The following WDFY1 variants were observed in gnomAD, a reference collection of about 807,000 sequenced individuals.
The protein encoded by WDFY1 is WD repeat and FYVE domain-containing protein 1.
In WDFY1, 32 loss-of-function variants were observed where a neutral mutation model predicts 56.4. The ratio of observed to expected loss-of-function variants is 0.57; its 90% CI spans 0.43 to 0.76. The LOEUF (loss-of-function observed/expected upper bound fraction) is 0.76, where lower values mean the gene tolerates loss of function less well. Among genes scored for constraint, WDFY1 ranks in the 30% least tolerant of loss-of-function variants. The pLI is 0.00. For synonymous variants in WDFY1, 192 were observed against 197.3 expected (o/e 0.97, Z 0.23); for missense variants, 480 against 545.7 (o/e 0.88, Z 1.20).
chr2:223,915,387 C>G (rs1693770710), intron 2 of WDFY1, among the ~76,000 whole-genome samples: 1 of 152,136 alleles, frequency 6.6e-6, no homozygotes, highest in South Asian at 2.1e-4. Context: ...TGCCCGAGAT[C>G]TAACAGCCAA....
intron 1 of WDFY1, 74 bp downstream of exon 1, chr2:223,945,074 G>A: frequency 1.4e-6 from 2 of 1,475,442 alleles, no homozygotes; most frequent in Non-Finnish European, 1.8e-6. Context: ...GGAAGGACCG[G>A]GGCCGCGGAC....
intron 1 of WDFY1, among the ~76,000 whole-genome samples, chr2:223,935,569 G>A (rs1404647670): frequency 3.9e-5 from 6 of 152,196 alleles, no homozygotes; most frequent in African/African-American, 1.4e-4. Context: ...GAAAGAACTA[G>A]CAGATTATTA....
chr2:223,945,107 G>T (rs1194494945), intron 1 of WDFY1, 41 bp downstream of exon 1: 8 of 1,548,652 alleles, frequency 5.2e-6, no homozygotes, highest in Non-Finnish European at 6.1e-6. Context: ...ACACCCCGTC[G>T]TCGCGGAGTT....
chr2:223,894,526 G>T (rs1693328731), intron 7 of WDFY1, 187 bp from the exon 8 acceptor site: 2 of 591,424 alleles, frequency 3.4e-6, no homozygotes, highest in South Asian at 2.1e-5. Flanking sequence ...AATACAGAAT[G>T]ATACTTTCTA....
At chr2:223,885,793 C>A (rs934660885) in intron 8 of WDFY1, among the ~76,000 whole-genome samples, 2 of 152,082 alleles carry the variant, frequency 1.3e-5, no homozygotes, top group East Asian at 3.9e-4. Flanking sequence ...GGGACTATGC[C>A]GGCAGATTTG....
chr2:223,943,515 T>C (rs1486042787), intron 1 of WDFY1, among the ~76,000 whole-genome samples: 3 of 152,148 alleles, frequency 2.0e-5, no homozygotes, highest in Non-Finnish European at 2.9e-5. Context: ...AAAGGTATAA[T>C]TACAAAAGGC....
intron 8 of WDFY1, among the ~76,000 whole-genome samples, chr2:223,886,022 A>C (rs1693169656): frequency 6.6e-6 from 1 of 152,228 alleles, no homozygotes; most frequent in Non-Finnish European, 1.5e-5. Context: ...AAACAGAGGA[A>C]GCAGTCTCAA....
intron 2 of WDFY1, among the ~76,000 whole-genome samples, chr2:223,916,136 T>C (rs545289425): frequency 3.3e-5 from 5 of 152,292 alleles, no homozygotes; most frequent in Admixed American, 3.3e-4. Flanking sequence ...TCAATTTCAC[T>C]GAATGACTAC....
intron 3 of WDFY1, among the ~76,000 whole-genome samples, chr2:223,911,796 C>A: frequency 6.7e-6 from 1 of 149,878 alleles, no homozygotes; most frequent in East Asian, 2.0e-4. Flanking sequence ...CATTTTTGAC[C>A]TAATATCTAT....
chr2:223,893,612 C>A (rs1693315020), intron 8 of WDFY1, among the ~76,000 whole-genome samples: 1 of 151,994 alleles, frequency 6.6e-6, no homozygotes, highest in African/African-American at 2.4e-5. Context: ...GAAGTCATTT[C>A]ATTCCACAAT....
chr2:223,925,463 C>T (rs530154839), intron 1 of WDFY1, among the ~76,000 whole-genome samples: 9 of 152,274 alleles, frequency 5.9e-5, no homozygotes, highest in Middle Eastern at 6.8e-3. Context: ...GAACCTTCAG[C>T]GAGGGGTAAT....
At chr2:223,881,084 G>A (rs144679759) in intron 10 of WDFY1, among the ~76,000 whole-genome samples, 1 of 152,236 alleles carries the variant, frequency 6.6e-6, no homozygotes, top group African/African-American at 2.4e-5. Flanking sequence ...GAAAATAGTG[G>A]TTCTGTCCTA....
chr2:223,934,523 A>G (rs1172270192), intron 1 of WDFY1, among the ~76,000 whole-genome samples: 1 of 151,770 alleles, frequency 6.6e-6, no homozygotes, highest in Admixed American at 6.6e-5. Context: ...ATTTTATTTT[A>G]TTTTTTTAAT....
intron 4 of WDFY1, among the ~76,000 whole-genome samples, chr2:223,904,675 A>G (rs906353397): frequency 4.0e-5 from 6 of 151,868 alleles, no homozygotes; most frequent in Non-Finnish European, 7.4e-5. Context: ...CACATACGTA[A>G]AACATCTACA....
intron 11 of WDFY1, 114 bp from the exon 12 acceptor site, chr2:223,878,844 A>G: frequency 1.6e-6 from 2 of 1,288,200 alleles, no homozygotes; most frequent in Middle Eastern, 1.9e-4. Context: ...AAATTAATGA[A>G]TTTTCTCATT....
chr2:223,935,035 G>A (rs1312305878), intron 1 of WDFY1, among the ~76,000 whole-genome samples: 2 of 152,260 alleles, frequency 1.3e-5, no homozygotes, highest in African/African-American at 2.4e-5. Context: ...GGGTTTCGGC[G>A]AGGGAACAGC....
At chr2:223,931,096 G>A (rs1694064572) in intron 1 of WDFY1, among the ~76,000 whole-genome samples, 1 of 152,186 alleles carries the variant, frequency 6.6e-6, no homozygotes. Context: ...AGGAATCTGA[G>A]GTTAAAATTA....
intron 5 of WDFY1, 86 bp downstream of exon 5, chr2:223,901,097 A>C: frequency 6.8e-7 from 1 of 1,471,356 alleles, no homozygotes; most frequent in Non-Finnish European, 9.1e-7. Flanking sequence ...CAGTCTTTAG[A>C]TCTCAGCCAT....
chr2:223,880,227 G>T lies in WDFY1; in HGVS notation c.1070C>A (p.Thr357Asn), dbSNP rs1269188282. Residue 357 changes from threonine (T) to asparagine (N), a missense_variant, in exon 11 of 12, where the codon ACT (threonine) becomes AAT (asparagine). By Grantham distance (65) the Thr-to-Asn change is moderately conservative (BLOSUM62 0). Transcript: ENST00000233055. The part of the protein sequence containing the change: ...CYDSIKDEDR[T>N]SLATFHEGKH... Reference sequence around the variant, plus strand: ...TCCTTCATGAAAGGTCGCTAGAGAAGTCCGACTAACAAGAGAAAAGAGATC... The same window carrying T: ...TCCTTCATGAAAGGTCGCTAGAGAATTCCGACTAACAAGAGAAAAGAGATC... 1.2e-6 allele frequency: 2 copies of T among 1,613,756 alleles called. No individual in the cohort carries two copies. Among genetic ancestry groups the T allele is most frequent in the Non-Finnish European group, 1.7e-6 (2 of 1,179,862 alleles).
Sources: allele counts gnomAD v4.1 joint callset (sites outside exome capture counted in the v4.1 genomes callset), GRCh38; gene constraint gnomAD v4.1.1; transcripts MANE v1.5; gene names NCBI Gene and HGNC (gene_info 2026-07-23, HGNC 2026-07-21).